Variants in GPC6 observed in about 807,000 individuals in gnomAD.
The protein encoded by GPC6 is glypican-6.
Under a neutral mutation model 55.2 loss-of-function variants are expected in GPC6, and 14 were observed. The ratio of observed to expected loss-of-function variants is 0.25; its 90% CI spans 0.17 to 0.40. GPC6 has a LOEUF of 0.40. Among genes scored for constraint, GPC6 ranks in the 10% least tolerant of loss-of-function variants. The probability of loss-of-function intolerance (pLI) is 1.00; values close to 1 mark genes in which losing one functional copy is unlikely to be tolerated. For synonymous variants in GPC6, 278 were observed against 259.6 expected (o/e 1.07, Z -0.68); for missense variants, 641 against 708.5 (o/e 0.90, Z 1.08).
At position 93,543,375 on chromosome 13, in the gene GPC6, C is replaced by G. The variant is rs9524119; in HGVS notation, c.161-1888C>G. ...AGCCTTGCATCCCAGGAATGAAGCC[C>G]ACTTGATCATGGTGGATAAGCTTTT... On this transcript the variant is annotated intron_variant, in intron 1 of 8. Transcript: ENST00000377047. 4.4e-3 allele frequency among the ~76,000 whole-genome samples: 676 copies of G among 152,102 alleles called. 2 individuals carry two copies. Among genetic ancestry groups the G allele is most frequent in the Non-Finnish European group, 7.5e-3 (509 of 67,986 alleles).
chr13:93,441,191 A>G (rs1033161808), intron 1 of GPC6, among the ~76,000 whole-genome samples: 4 of 152,132 alleles, frequency 2.6e-5, no homozygotes, highest in African/African-American at 9.7e-5. Flanking sequence ...ATGATTTATA[A>G]TCCTTTAGGT....
chr13:93,219,564 ACAAT>A, the GPC6 span, among the ~76,000 whole-genome samples: 1 of 152,208 alleles, frequency 6.6e-6, no homozygotes, highest in East Asian at 1.9e-4. Context: ...GATTAAGCAG[ACAAT>A]CCATTCAAAA....
rs79493612 is a variant in GPC6, at chr13:94,162,148, T to C, written c.878-124201T>C. Among the ~76,000 whole-genome samples, 1,110 of 152,168 alleles carry C rather than the reference T, an allele frequency of 7.3e-3. 6 individuals are homozygous for C. Among genetic ancestry groups the C allele is most frequent in the African/African-American group, 0.017 (719 of 41,520 alleles). ...CAAACCATATCAATACTGAAAGAAA[T>C]TTATTGCCTCTCAAAACTGAGGAGT... On this transcript the variant is annotated intron_variant, in intron 4 of 8. Coordinates refer to ENST00000377047, the MANE Select transcript of GPC6 (RefSeq NM_005708.5).
intron 6 of GPC6, among the ~76,000 whole-genome samples, chr13:94,339,104 A>G (rs942272219): frequency 6.6e-6 from 1 of 151,524 alleles, no homozygotes; most frequent in Non-Finnish European, 1.5e-5. Context: ...TTGCTCTGTC[A>G]TCCAGGCTAG....
chr13:93,536,403 C>A (rs1882065070), intron 1 of GPC6, among the ~76,000 whole-genome samples: 1 of 152,016 alleles, frequency 6.6e-6, no homozygotes, highest in Admixed American at 6.6e-5. Flanking sequence ...TTTCTCCTGC[C>A]CCCCAGCCCC....
intron 4 of GPC6, among the ~76,000 whole-genome samples, chr13:94,177,799 T>G (rs182166859): frequency 2.6e-5 from 4 of 152,294 alleles, no homozygotes; most frequent in African/African-American, 9.6e-5. Flanking sequence ...AAATAGGTCA[T>G]AATTTCCAAT....
chr13:93,440,363 G>A (rs1026991892), intron 1 of GPC6, among the ~76,000 whole-genome samples: 8 of 152,202 alleles, frequency 5.3e-5, no homozygotes, highest in African/African-American at 1.9e-4. Context: ...GCAGATGGCA[G>A]TGATGGTTTT....
intron 2 of GPC6, among the ~76,000 whole-genome samples, chr13:93,676,129 ATAT>A (rs1566481638): frequency 8.7e-3 from 63 of 7,208 alleles, no homozygotes; most frequent in South Asian, 0.046. Flanking sequence ...AAAAAAAAAT[ATAT>A]ATATATATAT....
chr13:93,410,597 T>C (rs1876460694), intron 1 of GPC6, among the ~76,000 whole-genome samples: 1 of 152,206 alleles, frequency 6.6e-6, no homozygotes, highest in Non-Finnish European at 1.5e-5. Context: ...TACAAATTTA[T>C]TACGACAAGT....
chr13:93,232,330 G>A (rs1876088948), intron 1 of GPC6, among the ~76,000 whole-genome samples: 1 of 152,110 alleles, frequency 6.6e-6, no homozygotes, highest in South Asian at 2.1e-4. Flanking sequence ...AATGAGTGAG[G>A]TGAACTTCAA....
At chr13:93,787,544 T>G (rs1885851880) in intron 2 of GPC6, among the ~76,000 whole-genome samples, 1 of 152,258 alleles carries the variant, frequency 6.6e-6, no homozygotes, top group African/African-American at 2.4e-5. Flanking sequence ...TGAATTATTT[T>G]TATGTTTATT....
At chr13:94,198,943 C>T (rs570909661) in intron 4 of GPC6, among the ~76,000 whole-genome samples, 11 of 152,254 alleles carry the variant, frequency 7.2e-5, no homozygotes, top group South Asian at 2.1e-4. Context: ...TCACCACCAC[C>T]GACAGACAGA....
intron 4 of GPC6, among the ~76,000 whole-genome samples, chr13:94,220,180 C>A (rs1000804318): frequency 6.6e-6 from 1 of 152,020 alleles, no homozygotes; most frequent in Admixed American, 6.6e-5. Context: ...AGATGGAAAA[C>A]TATCACCAAA....
At chr13:93,984,843 T>G (rs1880954126) in intron 3 of GPC6, among the ~76,000 whole-genome samples, 1 of 152,206 alleles carries the variant, frequency 6.6e-6, no homozygotes, top group Non-Finnish European at 1.5e-5. Flanking sequence ...TAAATATTTT[T>G]AATGGGAGGA....
At chr13:93,529,510 CTTTTTT>C (rs1165594323) in intron 1 of GPC6, among the ~76,000 whole-genome samples, 15 of 85,196 alleles carry the variant, frequency 1.8e-4, no homozygotes, top group African/African-American at 6.0e-4. Flanking sequence ...CTCTGAGATT[CTTTTTT>C]TTTTTTTTTT....
At chr13:94,354,710 A>T (rs1403764912) in intron 6 of GPC6, among the ~76,000 whole-genome samples, 1 of 152,266 alleles carries the variant, frequency 6.6e-6, no homozygotes, top group African/African-American at 2.4e-5. Flanking sequence ...GCAGACAGCA[A>T]GATGAATTGG....
intron 4 of GPC6, among the ~76,000 whole-genome samples, chr13:94,213,304 A>G (rs1269774052): frequency 6.6e-6 from 1 of 152,172 alleles, no homozygotes; most frequent in Non-Finnish European, 1.5e-5. Flanking sequence ...AAATAACAAA[A>G]ATAATCATTA....
chr13:93,777,199 A>G (rs1885498353), intron 2 of GPC6, among the ~76,000 whole-genome samples: 1 of 152,194 alleles, frequency 6.6e-6, no homozygotes, highest in African/African-American at 2.4e-5. Context: ...AGCGGTTGAA[A>G]CAGGCGATCA....
chr13:94,294,028 G>A (rs1361980051), intron 5 of GPC6, among the ~76,000 whole-genome samples: 1 of 152,118 alleles, frequency 6.6e-6, no homozygotes, highest in East Asian at 1.9e-4. Context: ...GCAGGGAAGA[G>A]CCTTCATTAT....
Sources: gnomAD v4.1 joint callset for allele counts (sites outside exome capture counted in the v4.1 genomes callset) on GRCh38, gnomAD v4.1.1 for gene constraint, MANE v1.5 for transcripts, NCBI Gene and HGNC (gene_info 2026-07-23, HGNC 2026-07-21) for gene names.